The following HIP1 variants were observed in gnomAD, a reference collection of about 807,000 sequenced individuals.
The protein encoded by HIP1 is huntingtin-interacting protein 1.
In HIP1, 65 loss-of-function variants were observed where a neutral mutation model predicts 147.6. The observed-to-expected ratio is 0.44, with a 90% CI of 0.36 to 0.54. HIP1 has a LOEUF of 0.54. HIP1 is among the 20% of genes least tolerant of loss of function. The pLI is 0.00. For missense variants in HIP1, 1,061 were observed against 1,299.6 expected (o/e 0.82, Z 2.82); for synonymous variants, 479 against 504.0 (o/e 0.95, Z 0.67).
chr7:75,579,613 C>T (rs144794802), intron 7 of HIP1, among the ~76,000 whole-genome samples: 25 of 152,222 alleles, frequency 1.6e-4, no homozygotes, highest in African/African-American at 5.5e-4. Context: ...TTTTTCTGAC[C>T]ACATCCTGTG....
chr7:75,572,483 A>G (rs2116885499), intron 8 of HIP1, among the ~76,000 whole-genome samples: 1 of 152,322 alleles, frequency 6.6e-6, no homozygotes, highest in East Asian at 1.9e-4. Context: ...TGCTGTTCGT[A>G]GGATGCACGA....
chr7:75,731,356 G>A (rs1027152027), intron 1 of HIP1, among the ~76,000 whole-genome samples: 15 of 151,336 alleles, frequency 9.9e-5, no homozygotes, highest in South Asian at 6.3e-4. Flanking sequence ...GGTGGCGCAC[G>A]CCTATAATCC....
At chr7:75,734,871 T>G (rs1013181017) in intron 1 of HIP1, among the ~76,000 whole-genome samples, 1 of 152,172 alleles carries the variant, frequency 6.6e-6, no homozygotes, top group Admixed American at 6.5e-5. Context: ...GCTTCAGTCC[T>G]CGGGGAGGGC....
At chr7:75,689,966 T>A (rs1429738564) in intron 1 of HIP1, among the ~76,000 whole-genome samples, 2 of 152,120 alleles carry the variant, frequency 1.3e-5, no homozygotes, top group African/African-American at 4.8e-5. Context: ...ATGGCATGAT[T>A]TGATTTTATT....
At chr7:75,728,788 A>C (rs1472932638) in intron 1 of HIP1, among the ~76,000 whole-genome samples, 1 of 69,408 alleles carries the variant, frequency 1.4e-5, no homozygotes, top group African/African-American at 5.6e-5. Context: ...ACTCTGTCTC[A>C]AAAAAAAAAA....
chr7:75,635,958 A>G (rs1798410603), intron 1 of HIP1, among the ~76,000 whole-genome samples: 1 of 146,640 alleles, frequency 6.8e-6, no homozygotes, highest in Admixed American at 7.0e-5. Flanking sequence ...TGGAAGGCGG[A>G]CGTTGCAAAT....
chr7:75,581,378 C>G, intron 6 of HIP1, 80 bp from the exon 7 acceptor site: 2 of 972,332 alleles, frequency 2.1e-6, no homozygotes, highest in Non-Finnish European at 3.2e-6. Flanking sequence ...ACGCTCTACG[C>G]TACTCCAGTC....
chr7:75,539,865 C>T (rs782165192), intron 29 of HIP1, among the ~76,000 whole-genome samples: 2 of 152,156 alleles, frequency 1.3e-5, no homozygotes, highest in Non-Finnish European at 2.9e-5. Flanking sequence ...TCTTCTGTTC[C>T]TCTGAGAAAT....
chr7:75,656,840 G>C (rs1296163277), intron 1 of HIP1, among the ~76,000 whole-genome samples: 2 of 152,210 alleles, frequency 1.3e-5, no homozygotes, highest in Non-Finnish European at 2.9e-5. Flanking sequence ...TTGTCCTGCA[G>C]TGGTACAAGT....
In HIP1 at chr7:75,595,240, CT is replaced by C. The variant is rs1796669262; in HGVS notation, c.185-2727del. Reference sequence around the variant, plus strand: ...TCTTTCTTTCTTTCTTTCTTTCTTTCTTTCTTTCTTTCTTCCTTCCTTCCTT... The same window carrying C: ...TCTTTCTTTCTTTCTTTCTTTCTTTCTTCTTTCTTTCTTCCTTCCTTCCTT... On this transcript the variant is annotated intron_variant, in intron 2 of 30. Coordinates refer to ENST00000336926, the MANE Select transcript of HIP1 (RefSeq NM_005338.7). 2.5e-3 allele frequency among the ~76,000 whole-genome samples: 295 copies of C among 115,820 alleles called. 1 individual carries two copies. The highest frequency in any genetic ancestry group is 2.7e-3 in the African/African-American group (71 of 25,864). The allele number at this position is 115,820 out of a possible 152,430, so 76.0% of individuals were successfully genotyped here. A position where few individuals can be genotyped will look rare whatever the true frequency, so the allele number is the denominator to read the frequency against.
At chr7:75,539,119 T>C (rs1275287692) in intron 30 of HIP1, among the ~76,000 whole-genome samples, 1 of 152,180 alleles carries the variant, frequency 6.6e-6, no homozygotes, top group African/African-American at 2.4e-5. Flanking sequence ...CAACAAAAGC[T>C]TTCAAATCAC....
intron 2 of HIP1, among the ~76,000 whole-genome samples, chr7:75,598,625 G>A (rs1406807287): frequency 6.6e-6 from 1 of 151,992 alleles, no homozygotes; most frequent in African/African-American, 2.4e-5. Context: ...TACAAAGCTT[G>A]AGTCGGCCAG....
At chr7:75,558,883 G>A (rs1795118481) in intron 14 of HIP1, among the ~76,000 whole-genome samples, 1 of 152,106 alleles carries the variant, frequency 6.6e-6, no homozygotes, top group Non-Finnish European at 1.5e-5. Context: ...GCTGGACATG[G>A]TGGTGTGTGC....
intron 29 of HIP1, among the ~76,000 whole-genome samples, 190 bp downstream of exon 29, chr7:75,541,729 A>C (rs587660611): frequency 7.9e-5 from 12 of 151,032 alleles, no homozygotes; most frequent in South Asian, 4.2e-4. Flanking sequence ...GACAAACAAA[A>C]AAAAAAAACA....
rs1554493804 is a variant in HIP1 at position 75,558,147 on chromosome 7, A to C, written c.1464+20T>G. On this transcript the variant is annotated intron_variant, in intron 15 of 30. Transcript: ENST00000336926. ...GAGGTGCAGGGCCTGCAGGATGGTG[A>C]CAGGGGCTGAGGGTCTTACCTTCCG... 3 of 1,603,702 alleles carry C rather than the reference A, an allele frequency of 1.9e-6. No individual in the cohort carries two copies. The highest frequency in any genetic ancestry group is 2.6e-6 in the Non-Finnish European group (3 of 1,170,990).
At position 75,681,259 on chromosome 7, in the gene HIP1, C is replaced by T. The variant is rs118015328; in HGVS notation, c.120+57542G>A. Reference sequence around the variant, plus strand: ...AGGGCACCAATGCCCTGTGCATCTGCCCCTAATCCCCTTCTTGTCAACCCT... The same window carrying T: ...AGGGCACCAATGCCCTGTGCATCTGTCCCTAATCCCCTTCTTGTCAACCCT... On this transcript the variant is annotated intron_variant, in intron 1 of 30. Coordinates refer to ENST00000336926, the MANE Select transcript of HIP1 (RefSeq NM_005338.7). Among the ~76,000 whole-genome samples, 325 of 152,216 alleles carry T rather than the reference C, an allele frequency of 2.1e-3. 1 individual carries two copies. The highest frequency in any genetic ancestry group is 4.4e-3 in the Admixed American group (67 of 15,264).
At chr7:75,684,871 A>G (rs1466214945) in intron 1 of HIP1, among the ~76,000 whole-genome samples, 3 of 151,992 alleles carry the variant, frequency 2.0e-5, no homozygotes, top group Non-Finnish European at 4.4e-5. Context: ...AAAGGCGGAT[A>G]ACAAGGTCAG....
rs1563278006 is a variant in HIP1, at chr7:75,663,965, T to TACACAC, written c.121-64719_121-64718insGTGTGT. ...ATATATATACACATATATGTGTATA[T>TACACAC]ATATATACACATATATGTGTATATA... On this transcript the variant is annotated intron_variant, in intron 1 of 30. Coordinates refer to ENST00000336926, the MANE Select transcript of HIP1 (RefSeq NM_005338.7). 1.2e-3 allele frequency among the ~76,000 whole-genome samples: 27 copies of TACACAC among 22,812 alleles called. 3 individuals carry two copies. Among genetic ancestry groups the TACACAC allele is most frequent in the East Asian group, 2.7e-3 (2 of 732 alleles). 15.0% of individuals were successfully genotyped at this position (22,812 alleles called of 152,430 possible).
chr7:75,625,410 G>T (rs1798003191), intron 1 of HIP1: 1 of 152,456 alleles, frequency 6.6e-6, no homozygotes, highest in Admixed American at 6.5e-5. Flanking sequence ...AGAGATTGGT[G>T]GGTATGGACT....
Sources: allele counts gnomAD v4.1 joint callset (sites outside exome capture counted in the v4.1 genomes callset), GRCh38; gene constraint gnomAD v4.1.1; transcripts MANE v1.5; gene names NCBI Gene and HGNC (gene_info 2026-07-23, HGNC 2026-07-21).